The following KIAA0586 variants were observed in gnomAD, a reference collection of about 807,000 sequenced individuals.
KIAA0586 encodes the protein KIAA0586.
Under a neutral mutation model 169.8 loss-of-function variants are expected in KIAA0586, and 144 were observed. The ratio of observed to expected loss-of-function variants is 0.85; its 90% CI spans 0.74 to 0.97. The LOEUF is 0.97. Among genes scored for constraint, KIAA0586 ranks in the 50% least tolerant of loss-of-function variants. The pLI is 0.00. For missense variants in KIAA0586, 1,854 were observed against 1,823.0 expected, an observed-to-expected ratio of 1.02 and a Z score of -0.31; for synonymous variants, 625 against 612.4, an observed-to-expected ratio of 1.02 and a Z score of -0.30.
At chr14:58,559,222 AG>A in the KIAA0586 span, among the ~76,000 whole-genome samples, 2 of 152,134 alleles carry the variant, frequency 1.3e-5, no homozygotes, top group Admixed American at 6.5e-5. Context: ...AATTTGAGAG[AG>A]TCTGTATGCA....
downstream of KIAA0586, among the ~76,000 whole-genome samples, chr14:58,553,053 C>T (rs2047225416): frequency 6.6e-6 from 1 of 152,136 alleles, no homozygotes; most frequent in East Asian, 1.9e-4. Context: ...TTCCTTTGGT[C>T]ACATTCCCCA....
At chr14:58,553,088 C>A (rs1245525046), downstream of KIAA0586, among the ~76,000 whole-genome samples, 5 of 152,154 alleles carry the variant, frequency 3.3e-5, no homozygotes, top group East Asian at 9.6e-4. Flanking sequence ...TATAAAAGTA[C>A]CACGGACACT....
chr14:58,464,053 G>A, intron 14 of KIAA0586: 1 of 434,644 alleles, frequency 2.3e-6, no homozygotes, highest in Non-Finnish European at 4.7e-6. Flanking sequence ...GAGAATTGAT[G>A]ATATGAGTAG....
At chr14:58,517,333 C>A (rs916516415) in intron 29 of KIAA0586, among the ~76,000 whole-genome samples, 4 of 152,262 alleles carry the variant, frequency 2.6e-5, no homozygotes, top group African/African-American at 9.6e-5. Context: ...ACAGATACTT[C>A]ACCAAAAAAG....
intron 29 of KIAA0586, among the ~76,000 whole-genome samples, chr14:58,530,294 C>A (rs2045875022): frequency 6.6e-6 from 1 of 152,130 alleles, no homozygotes; most frequent in East Asian, 1.9e-4. Context: ...TCAGTGCTAT[C>A]CCCATCAAGC....
chr14:58,477,061 A>G (rs2041690892), intron 19 of KIAA0586, 62 bp from the exon 20 acceptor site: 1 of 918,780 alleles, frequency 1.1e-6, no homozygotes, highest in Non-Finnish European at 1.7e-6. Flanking sequence ...TATGTCTAAC[A>G]TTTTTTACAT....
intron 13 of KIAA0586, 126 bp downstream of exon 13, chr14:58,460,196 T>C: frequency 1.6e-6 from 1 of 611,556 alleles, no homozygotes; most frequent in Non-Finnish European, 2.8e-6. Flanking sequence ...AAATGTAAGC[T>C]ATCTTTACAC....
chr14:58,489,588 T>C (rs1345103623), intron 24 of KIAA0586, among the ~76,000 whole-genome samples: 1 of 152,128 alleles, frequency 6.6e-6, no homozygotes, highest in Non-Finnish European at 1.5e-5. Flanking sequence ...TCCATATTTT[T>C]CTTATTTTTC....
intron 23 of KIAA0586, 90 bp downstream of exon 23, chr14:58,488,199 G>T (rs2042604131): frequency 2.8e-6 from 3 of 1,068,730 alleles, no homozygotes. Context: ...ATTATACAAA[G>T]CTTTATAAAC....
In KIAA0586 at chr14:58,500,678, G is replaced by A. The variant is rs149781675; in HGVS notation, c.4168+1718G>A. Among the ~76,000 whole-genome samples, 1,043 of 148,086 alleles carry A rather than the reference G, an allele frequency of 7.0e-3. 6 individuals are homozygous for A. The highest frequency in any genetic ancestry group is 0.026 in the East Asian group (131 of 5,034). ...AGAGGTTGCAGTGAGCCGAAATCAC[G>A]CCACTGCACTCCAGCCTGGGCAGCA... On this transcript the variant is annotated intron_variant, in intron 27 of 30. Transcript: ENST00000652326.
chr14:58,494,277 C>G (rs1299666890), intron 26 of KIAA0586, among the ~76,000 whole-genome samples: 1 of 150,164 alleles, frequency 6.7e-6, no homozygotes, highest in African/African-American at 2.4e-5. Flanking sequence ...CTCTGCTATA[C>G]TGTTTATCCC....
chr14:58,449,315 C>G (rs1449906146), intron 7 of KIAA0586, among the ~76,000 whole-genome samples: 1 of 152,230 alleles, frequency 6.6e-6, no homozygotes, highest in South Asian at 2.1e-4. Context: ...TCACTTGAGT[C>G]CAGGAATTCG....
chr14:58,428,378 TGAGTTGCC>T lies in KIAA0586; in HGVS notation c.115_122del (p.Glu39LeufsTer10). ...GAGATCATTTGGTTTTGCTGAAAGA[TGAGTTGCC>T]CTGTGTTCCTCCGGCATTGTCTGCA... is the stretch of plus-strand genomic sequence containing the variant. On this transcript the variant is annotated frameshift_variant, in exon 1 of 31. Transcript: ENST00000652326. LOFTEE classifies it high-confidence loss of function. The T allele has an allele frequency of 6.2e-7, 1 of 1,613,994 alleles. No individual in the cohort carries two copies. The highest frequency in any genetic ancestry group is 1.1e-5 in the South Asian group (1 of 91,090).
intron 30 of KIAA0586, 124 bp downstream of exon 30, chr14:58,540,260 G>A (rs1028155670): frequency 3.4e-6 from 2 of 590,920 alleles, no homozygotes; most frequent in Non-Finnish European, 5.9e-6. Flanking sequence ...TAATTCTTCT[G>A]TAATATCTGT....
At chr14:58,430,451 G>A (rs911770126) in intron 2 of KIAA0586, among the ~76,000 whole-genome samples, 197 bp from the exon 3 acceptor site, 2 of 152,124 alleles carry the variant, frequency 1.3e-5, no homozygotes, top group African/African-American at 2.4e-5. Context: ...TTGTCTGATA[G>A]TGTATTACTC....
At chr14:58,439,292 T>G (rs1474633406) in intron 4 of KIAA0586, among the ~76,000 whole-genome samples, 1 of 152,174 alleles carries the variant, frequency 6.6e-6, no homozygotes, top group African/African-American at 2.4e-5. Flanking sequence ...GTTCACGCCA[T>G]TCTCCTTCCT....
intron 20 of KIAA0586, among the ~76,000 whole-genome samples, chr14:58,479,540 G>GT (rs1286860772): frequency 2.6e-5 from 4 of 152,152 alleles, no homozygotes; most frequent in Admixed American, 1.3e-4. Context: ...AATTTATCAG[G>GT]TTTTTTCTAG....
At chr14:58,502,039 C>T (rs1472587795) in intron 27 of KIAA0586, among the ~76,000 whole-genome samples, 1 of 152,192 alleles carries the variant, frequency 6.6e-6, no homozygotes, top group Non-Finnish European at 1.5e-5. Context: ...GCTTCACTTC[C>T]TCACCATGTT....
intron 21 of KIAA0586, among the ~76,000 whole-genome samples, chr14:58,484,924 A>ATATAAATATATATTT (rs1566877360): frequency 7.7e-5 from 1 of 13,048 alleles, no homozygotes; most frequent in Non-Finnish European, 1.3e-4. Flanking sequence ...ATATATATAT[A>ATATAAATATATATTT]TTTTTTTTTT....
Sources: allele counts gnomAD v4.1 joint callset (sites outside exome capture counted in the v4.1 genomes callset), GRCh38; gene constraint gnomAD v4.1.1; transcripts MANE v1.5; gene names NCBI Gene and HGNC (gene_info 2026-07-23, HGNC 2026-07-21).